The following ANKRD44 variants were observed in gnomAD, a reference collection of about 807,000 sequenced individuals.
ANKRD44 encodes ankyrin repeat domain 44.
In ANKRD44, 35 loss-of-function variants were observed where a neutral mutation model predicts 116.0. The ratio of observed to expected loss-of-function variants is 0.30; its 90% CI spans 0.23 to 0.40. The LOEUF (loss-of-function observed/expected upper bound fraction) is 0.40. Ranked by LOEUF, ANKRD44 falls within the 10% of genes least tolerant of loss-of-function variation. ANKRD44 has a pLI of 1.00. For synonymous variants in ANKRD44, 435 were observed against 461.8 expected, an observed-to-expected ratio of 0.94 and a Z score of 0.74; for missense variants, 1,014 against 1,242.6, an observed-to-expected ratio of 0.82 and a Z score of 2.77.
At chr2:197,064,928 G>A (rs946267063) in intron 16 of ANKRD44, among the ~76,000 whole-genome samples, 6 of 152,130 alleles carry the variant, frequency 3.9e-5, no homozygotes, top group African/African-American at 1.4e-4. Context: ...TCCAGGAATT[G>A]AACTCAGCTC....
chr2:197,071,020 A>G (rs1414404997), intron 16 of ANKRD44, among the ~76,000 whole-genome samples: 1 of 152,210 alleles, frequency 6.6e-6, no homozygotes, highest in African/African-American at 2.4e-5. Context: ...AGAGTTATTC[A>G]TAATATTCCT....
rs752555415 is a variant in ANKRD44, at chr2:197,125,426, A to G, written c.505T>C (p.Phe169Leu). The G allele has an allele frequency of 1.2e-6, 2 of 1,614,016 alleles. No homozygotes were observed. Among genetic ancestry groups the G allele is most frequent in the Non-Finnish European group, 1.7e-6 (2 of 1,180,060 alleles). ...AGAGCACGCCGGTCCTTCTTGTCAAATGCATTGATATTTGCCCCTTTGGCC... is the reference window on the plus strand; with the variant it reads ...AGAGCACGCCGGTCCTTCTTGTCAAGTGCATTGATATTTGCCCCTTTGGCC... ...LLAKGANINA[F>L]DKKDRRALHW... Residue 169 changes from phenylalanine to leucine, a missense_variant, in exon 6 of 28, where the codon TTT (phenylalanine) becomes CTT (leucine). By Grantham distance (22) the Phe-to-Leu change is conservative (BLOSUM62 0). Coordinates refer to ENST00000282272, the MANE Select transcript of ANKRD44 (RefSeq NM_001195144.2).
In ANKRD44 at chr2:197,126,048, A is replaced by C. The variant is rs2078967521; in HGVS notation, c.262-11T>G. On this transcript the variant is annotated splice_polypyrimidine_tract_variant and intron_variant, in intron 4 of 27. Transcript: ENST00000282272. The stretch of plus-strand genomic sequence containing the variant: ...AACCTGTACTGCTTCCTACAACAAA[A>C]GCAGAGTTTGCAGAGGTCACTGACA... The C allele has an allele frequency of 6.2e-7, 1 of 1,614,138 alleles. No individual in the cohort carries two copies. Among genetic ancestry groups the C allele is most frequent in the Non-Finnish European group, 8.5e-7 (1 of 1,180,004 alleles).
chr2:196,969,338 C>G (rs1265300495), intron 21 of ANKRD44, among the ~76,000 whole-genome samples: 2 of 152,114 alleles, frequency 1.3e-5, no homozygotes, highest in South Asian at 4.2e-4. Flanking sequence ...TGGCAAGACC[C>G]TTTCTCTGAG....
chr2:197,094,478 A>G (rs1253330877), intron 10 of ANKRD44, among the ~76,000 whole-genome samples: 1 of 152,222 alleles, frequency 6.6e-6, no homozygotes, highest in African/African-American at 2.4e-5. Context: ...GGTAATCAGC[A>G]GTACATGAGT....
intron 1 of ANKRD44, among the ~76,000 whole-genome samples, chr2:197,305,353 CG>C (rs558030474): frequency 6.6e-6 from 1 of 151,982 alleles, no homozygotes; most frequent in African/African-American, 2.4e-5. Flanking sequence ...GAAATTTCTT[CG>C]GGGGAAAAAA....
At chr2:197,015,160 G>A in intron 17 of ANKRD44, 1 of 259,378 alleles carries the variant, frequency 3.9e-6, no homozygotes, top group Admixed American at 4.1e-5. Flanking sequence ...GTGTTGAAGA[G>A]GTAGATGCTT....
chr2:197,024,884 A>C (rs2076561915), intron 17 of ANKRD44, among the ~76,000 whole-genome samples: 1 of 152,224 alleles, frequency 6.6e-6, no homozygotes, highest in African/African-American at 2.4e-5. Flanking sequence ...TTTGAATTTT[A>C]AAGACGGTTA....
At chr2:197,205,509 T>C (rs1367171330) in intron 1 of ANKRD44, among the ~76,000 whole-genome samples, 1 of 152,112 alleles carries the variant, frequency 6.6e-6, no homozygotes, top group African/African-American at 2.4e-5. Flanking sequence ...CTTGGGGAGT[T>C]TGGGGATGGC....
intron 1 of ANKRD44, among the ~76,000 whole-genome samples, chr2:197,237,916 C>T (rs535603856): frequency 6.6e-6 from 1 of 152,298 alleles, no homozygotes; most frequent in South Asian, 2.1e-4. Context: ...TGCTGCAGCC[C>T]CTCCCTTCTC....
At chr2:197,218,148 T>C (rs1241708843) in intron 1 of ANKRD44, among the ~76,000 whole-genome samples, 1 of 152,158 alleles carries the variant, frequency 6.6e-6, no homozygotes, top group East Asian at 1.9e-4. Flanking sequence ...GGTCTTCCTC[T>C]CCTAAAATGT....
chr2:197,172,149 C>T (rs949624337), intron 2 of ANKRD44, among the ~76,000 whole-genome samples: 14 of 151,840 alleles, frequency 9.2e-5, no homozygotes, highest in African/African-American at 2.9e-4. Flanking sequence ...TACAGGTGCC[C>T]ACCACCACAC....
At chr2:197,132,096 G>A (rs954523360) in intron 4 of ANKRD44, among the ~76,000 whole-genome samples, 3 of 152,132 alleles carry the variant, frequency 2.0e-5, no homozygotes, top group African/African-American at 4.8e-5. Flanking sequence ...CACAGCCTAG[G>A]GAGTACACAG....
intron 1 of ANKRD44, among the ~76,000 whole-genome samples, chr2:197,196,051 T>C (rs1431438849): frequency 2.0e-5 from 3 of 152,228 alleles, no homozygotes; most frequent in Non-Finnish European, 4.4e-5. Context: ...GTAATTTTAG[T>C]GAAACAAAAA....
intron 2 of ANKRD44, among the ~76,000 whole-genome samples, chr2:197,158,134 C>T (rs183156264): frequency 1.2e-4 from 19 of 152,290 alleles, no homozygotes; most frequent in Non-Finnish European, 2.8e-4. Context: ...ATACAACCAC[C>T]CACTGCCAAG....
At chr2:197,249,070 T>A (rs1457399549) in intron 1 of ANKRD44, among the ~76,000 whole-genome samples, 1 of 152,060 alleles carries the variant, frequency 6.6e-6, no homozygotes, top group Non-Finnish European at 1.5e-5. Flanking sequence ...CAGGAGTTTG[T>A]GACCAGCCTG....
chr2:197,015,798 TG>T, intron 17 of ANKRD44: 1 of 442,876 alleles, frequency 2.3e-6, no homozygotes, highest in Non-Finnish European at 4.3e-6. Flanking sequence ...GATATGGTGG[TG>T]GGGGATATGG....
chr2:197,069,746 C>T (rs1294592575), intron 16 of ANKRD44, among the ~76,000 whole-genome samples: 1 of 152,100 alleles, frequency 6.6e-6, no homozygotes. Flanking sequence ...AGTTCTTTTG[C>T]TATTCCATAT....
chr2:197,007,144 C>T (rs915621669), intron 20 of ANKRD44, among the ~76,000 whole-genome samples: 1 of 151,284 alleles, frequency 6.6e-6, no homozygotes, highest in Non-Finnish European at 1.5e-5. Context: ...CAAATAATTG[C>T]CCACAGGATA....
Sources: gnomAD v4.1 joint callset for allele counts (sites outside exome capture counted in the v4.1 genomes callset) on GRCh38, gnomAD v4.1.1 for gene constraint, MANE v1.5 for transcripts, NCBI Gene and HGNC (gene_info 2026-07-23, HGNC 2026-07-21) for gene names.